IL17RC: variants seen among roughly 807,000 people sequenced by gnomAD.
IL17RC encodes interleukin 17 receptor C, also known as interleukin-17 receptor C.
IL17RC carries 53 observed loss-of-function variants against 86.7 expected under a neutral mutation model. That is an observed-to-expected ratio of 0.61 (90% confidence interval 0.49 to 0.77). IL17RC has a LOEUF of 0.77. IL17RC is among the 30% of genes least tolerant of loss of function. IL17RC has a pLI of 0.00. For synonymous variants in IL17RC, 439 were observed against 413.1 expected, an observed-to-expected ratio of 1.06 and a Z score of -0.76; for missense variants, 957 against 940.0, an observed-to-expected ratio of 1.02 and a Z score of -0.24.
At chr3:9,925,772 C>A (rs1481150414) in intron 9 of IL17RC, among the ~76,000 whole-genome samples, 1 of 152,106 alleles carries the variant, frequency 6.6e-6, no homozygotes, top group Non-Finnish European at 1.5e-5. Flanking sequence ...AGCTTTTCCC[C>A]AACCACCCGG....
In IL17RC at chr3:9,921,132, A is replaced by G. The variant is rs376511; in HGVS notation, c.622+163A>G. On this transcript the variant is annotated intron_variant, in intron 7 of 18. Transcript: ENST00000403601. ...CATTTGTTCATAACACATTAATTGC[A>G]GTATCTGTGCTAAGCACTGGAAATA... Among the ~76,000 whole-genome samples the G allele has an allele frequency of 0.47, 72,094 of 152,062 alleles. 17,787 individuals are homozygous for G. Among genetic ancestry groups the G allele is most frequent in the East Asian group, 0.91 (4,720 of 5,184 alleles).
At position 9,917,604 on chromosome 3, in the gene IL17RC, G is replaced by C; in HGVS notation, c.106-109G>C. The C allele has an allele frequency of 6.2e-7, 1 of 1,614,182 alleles. No homozygotes were observed. The highest frequency in any genetic ancestry group is 8.5e-7 in the Non-Finnish European group (1 of 1,180,032). ...GAGCTGGGTCTGTCTTTCTCTGGGAGGGTCTGGGAATACGGAGCCCCAGAA... is the reference window on the plus strand; with the variant it reads ...GAGCTGGGTCTGTCTTTCTCTGGGACGGTCTGGGAATACGGAGCCCCAGAA... On this transcript the variant is annotated intron_variant, in intron 1 of 18. Coordinates refer to ENST00000403601, the MANE Select transcript of IL17RC (RefSeq NM_153460.4).
rs2084930608 is a variant in IL17RC at position 9,933,031 on chromosome 3, C to T, written c.1601C>T (p.Ala534Val). 6.4e-7 allele frequency: 1 copy of T among 1,557,358 alleles called. No homozygotes were observed. Among genetic ancestry groups the T allele is most frequent in the Admixed American group, 2.0e-5 (1 of 50,862 alleles). Residue 534 changes from alanine (A) to valine (V), a missense_variant, in exon 19 of 19, where the codon GCG becomes GTG. By Grantham distance (64) the Ala-to-Val change is moderately conservative. Transcript: ENST00000403601. ...SGFERLVGAL[A>V]SALCQLPLRV... ...TTCGAGCGCCTGGTGGGCGCCCTGG[C>T]GTCGGCCCTGTGCCAGCTGCCGCTG...
intron 9 of IL17RC, among the ~76,000 whole-genome samples, chr3:9,925,793 C>T (rs1270903993): frequency 2.0e-5 from 3 of 152,208 alleles, no homozygotes; most frequent in Admixed American, 6.5e-5. Context: ...CCTCTCCTAG[C>T]TCCAAATCCC....
Position 9,933,462 on chromosome 3 carries a change from C to T in IL17RC, c.2032C>T (p.Gln678Ter), listed in dbSNP as rs201153828. 2 of 1,612,790 alleles carry T rather than the reference C, an allele frequency of 1.2e-6. No individual in the cohort carries two copies. The highest frequency in any genetic ancestry group is 1.7e-5 in the Admixed American group (1 of 59,960). Residue 678 changes from glutamine (Q) to a stop codon, truncating the protein, a stop_gained, in exon 19 of 19, where the codon CAA becomes TAA. Transcript: ENST00000403601. LOFTEE classifies it low-confidence loss of function (END_TRUNC). ...QPRAPRSGRL[Q>*]ERAEQVSRAL... ...TCGCGCCCCGCGTTCCGGGCGGCTC[C>T]AAGAGAGAGCGGAGCAAGTGTCCCG... is the stretch of plus-strand genomic sequence containing the variant.
chr3:9,933,061 TG>T lies in IL17RC; in HGVS notation c.1633del (p.Ala545ProfsTer2). ...GCCCTGTGCCAGCTGCCGCTGCGCG[TG>T]GCCGTAGACCTGTGGAGCCGTCGTG... The part of the protein sequence containing the change: ...ASALCQLPLR[V>X]AVDLWSRREL... On this transcript the variant is annotated frameshift_variant, in exon 19 of 19. Transcript: ENST00000403601. LOFTEE classifies it low-confidence loss of function (END_TRUNC). 6.5e-7 allele frequency: 1 copy of T among 1,547,292 alleles called. No homozygotes were observed. The highest frequency in any genetic ancestry group is 8.6e-7 in the Non-Finnish European group (1 of 1,156,734).
chr3:9,932,854 G>T lies in IL17RC; in HGVS notation c.1518G>T (p.Ser506=), dbSNP rs574709557. ...GGCTCTTGAAACAGGACGTCCGCTC[G>T]GGGGGTGAGTGGGAGCAAGCGCTGG... ...WLRLLKQDVR[S]GAAARGRAAL... The change falls in exon 18 of 19, where the codon TCG becomes TCT. Residue 506 remains serine (S), a synonymous_variant. Coordinates refer to ENST00000403601, the MANE Select transcript of IL17RC (RefSeq NM_153460.4). The T allele has an allele frequency of 1.9e-6, 3 of 1,568,956 alleles. No homozygotes were observed. Among genetic ancestry groups the T allele is most frequent in the African/African-American group, 2.7e-5 (2 of 73,078 alleles).
chr3:9,920,044 C>G (rs1202328768), intron 5 of IL17RC, among the ~76,000 whole-genome samples: 1 of 152,134 alleles, frequency 6.6e-6, no homozygotes, highest in Non-Finnish European at 1.5e-5. Flanking sequence ...TCCCTCCAAC[C>G]TCCAGCCCCC....
At chr3:9,928,663 G>T (rs377025363) in intron 12 of IL17RC, 33 bp downstream of exon 12, 1 of 1,611,482 alleles carries the variant, frequency 6.2e-7, no homozygotes, top group African/African-American at 1.3e-5. Context: ...TGGGCTGGAG[G>T]CTGGACCTGG....
Position 9,930,291 on chromosome 3 carries a change from C to A in IL17RC, c.1279-109C>A. Reference sequence around the variant, plus strand: ...CCAGGGCCATATTCAGCGGCATCACCAAAGTCTCCCAGTCCCCTCTACCTC... The same window carrying A: ...CCAGGGCCATATTCAGCGGCATCACAAAAGTCTCCCAGTCCCCTCTACCTC... On this transcript the variant is annotated intron_variant, in intron 14 of 18. Coordinates refer to ENST00000403601, the MANE Select transcript of IL17RC (RefSeq NM_153460.4). The surrounding 1 kb of genome is among the most constrained non-coding windows in gnomAD (Gnocchi z 5.8). The A allele has an allele frequency of 1.3e-6, 2 of 1,523,092 alleles. No homozygotes were observed. Among genetic ancestry groups the A allele is most frequent in the Non-Finnish European group, 1.8e-6 (2 of 1,105,110 alleles). The allele number at this position is 1,523,092 out of a possible 1,614,324, so 94.3% of individuals were successfully genotyped here. A position where few individuals can be genotyped will look rare whatever the true frequency, so the allele number is the denominator to read the frequency against.
chr3:9,918,691 A>G, intron 5 of IL17RC, 82 bp downstream of exon 5: 1 of 957,882 alleles, frequency 1.0e-6, no homozygotes, highest in Non-Finnish European at 1.6e-6. Flanking sequence ...GAGGATTACA[A>G]AAGAATTAAA....
intron 9 of IL17RC, among the ~76,000 whole-genome samples, 189 bp downstream of exon 9, chr3:9,924,480 T>G (rs181759974): frequency 9.2e-4 from 140 of 152,224 alleles, no homozygotes; most frequent in African/African-American, 3.3e-3. Context: ...CCCTGAATGC[T>G]CTCCCTGATC....
At chr3:9,923,002 C>T (rs970990411) in intron 7 of IL17RC, among the ~76,000 whole-genome samples, 16 of 151,080 alleles carry the variant, frequency 1.1e-4, no homozygotes, top group African/African-American at 3.4e-4. Flanking sequence ...GGTGAAACCC[C>T]ATCTCTACAA....
At chr3:9,917,596 CTCTGGGAGGG>C in intron 1 of IL17RC, 107 bp from the exon 2 acceptor site, 1 of 1,614,150 alleles carries the variant, frequency 6.2e-7, no homozygotes, top group Non-Finnish European at 8.5e-7. Context: ...GTCTGTCTTT[CTCTGGGAGGG>C]TCTGGGAATA....
At chr3:9,922,634 TGG>T in intron 7 of IL17RC, among the ~76,000 whole-genome samples, 1 of 151,520 alleles carries the variant, frequency 6.6e-6, no homozygotes, top group Non-Finnish European at 1.5e-5. Context: ...AGGGTCAGGG[TGG>T]GGGTGAGGAA....
intron 16 of IL17RC, among the ~76,000 whole-genome samples, chr3:9,931,398 G>C (rs1029261695): frequency 4.7e-5 from 7 of 149,930 alleles, no homozygotes; most frequent in African/African-American, 1.7e-4. Flanking sequence ...GACATGTAGG[G>C]GATTTGGATC....
At chr3:9,917,521 C>G in intron 1 of IL17RC, 101 bp downstream of exon 1, 1 of 1,614,144 alleles carries the variant, frequency 6.2e-7, no homozygotes, top group Non-Finnish European at 8.5e-7. Flanking sequence ...ACTGCCAGAA[C>G]TGCCCTGTCT....
At chr3:9,928,681 C>A (rs370988197) in intron 12 of IL17RC, 51 bp downstream of exon 12, 2 of 1,590,814 alleles carry the variant, frequency 1.3e-6, no homozygotes, top group South Asian at 1.1e-5. Context: ...TGGGCAGACC[C>A]CCCAGCCAAG....
At position 9,918,363 on chromosome 3, in the gene IL17RC, A is replaced by G. The variant is rs780715103; in HGVS notation, c.309A>G (p.Glu103=). The part of the protein sequence containing the change: ...HGHWEEPEDE[E]KFGGAADSGV... ...ACTGGGAAGAGCCTGAAGATGAGGA[A>G]AAGTTTGGAGGAGCAGCTGACTCAG... The change falls in exon 4 of 19, where the codon GAA becomes GAG. Residue 103 remains glutamate (E), a synonymous_variant. Coordinates refer to ENST00000403601, the MANE Select transcript of IL17RC (RefSeq NM_153460.4). 1.0e-5 allele frequency: 16 copies of G among 1,603,596 alleles called. No individual in the cohort carries two copies. The highest frequency in any genetic ancestry group is 2.6e-6 in the Non-Finnish European group (3 of 1,175,062).
Sources: gnomAD v4.1 joint callset for allele counts (sites outside exome capture counted in the v4.1 genomes callset) on GRCh38, gnomAD v4.1.1 for gene constraint, Gnocchi (gnomAD v3.1) non-coding constraint, MANE v1.5 for transcripts, NCBI Gene and HGNC (gene_info 2026-07-23, HGNC 2026-07-21) for gene names.